AARS1: variants seen among roughly 807,000 people sequenced by gnomAD.
AARS1 encodes the protein alanine--tRNA ligase, cytoplasmic.
A neutral mutation model predicts 108.9 loss-of-function variants in AARS1; 72 were observed. The observed-to-expected ratio is 0.66, with a 90% CI of 0.55 to 0.80. The LOEUF (loss-of-function observed/expected upper bound fraction) is 0.80. Among genes scored for constraint, AARS1 ranks in the 30% least tolerant of loss-of-function variants. AARS1 has a pLI of 0.00. For synonymous variants in AARS1, 489 were observed against 465.7 expected, an observed-to-expected ratio of 1.05 and a Z score of -0.64; for missense variants, 1,193 against 1,233.2, an observed-to-expected ratio of 0.97 and a Z score of 0.49.
chr16:70,256,302 T>G (rs1959989427), intron 15 of AARS1, among the ~76,000 whole-genome samples: 1 of 151,736 alleles, frequency 6.6e-6, no homozygotes, highest in African/African-American at 2.4e-5. Context: ...GATAGTATAG[T>G]TTTTTTTGTT....
Position 70,258,229 on chromosome 16 carries a change from A to C in AARS1, c.1993-12T>G. On this transcript the variant is annotated splice_polypyrimidine_tract_variant and intron_variant, in intron 14 of 20. Coordinates refer to ENST00000261772, the MANE Select transcript of AARS1 (RefSeq NM_001605.3). The stretch of plus-strand genomic sequence containing the variant: ...TGGGTATAGACGGCCTGCCAGACCA[A>C]GAAGACAGAAAAGAGCTGGAAGAGA... 1.3e-6 allele frequency: 2 copies of C among 1,578,048 alleles called. No individual in the cohort carries two copies. Among genetic ancestry groups the C allele is most frequent in the Non-Finnish European group, 1.7e-6 (2 of 1,161,024 alleles).
At chr16:70,274,920 A>G (rs1381145719) in intron 4 of AARS1, among the ~76,000 whole-genome samples, 1 of 151,422 alleles carries the variant, frequency 6.6e-6, no homozygotes, top group African/African-American at 2.4e-5. Context: ...TGTAACTTTT[A>G]AAACTATATA....
rs746349849 is a variant in AARS1, at chr16:70,255,821, C to G, written c.2193G>C (p.Ser731=). Residue 731 remains serine, a synonymous_variant, in exon 16 of 21, where the codon TCG becomes TCC. Transcript: ENST00000261772. ...EFCGGTHLRN[S]SHAGAFVIVT... ...CGATCACAAAAGCTCCTGCATGACTCGAGTTCCGCAGGTGCCTGAATGGCA... is the reference window on the plus strand; with the variant it reads ...CGATCACAAAAGCTCCTGCATGACTGGAGTTCCGCAGGTGCCTGAATGGCA... 6 of 1,613,720 alleles carry G rather than the reference C, an allele frequency of 3.7e-6. No individual in the cohort carries two copies. Among genetic ancestry groups the G allele is most frequent in the Non-Finnish European group, 5.1e-6 (6 of 1,179,904 alleles).
intron 17 of AARS1, chr16:70,254,279 A>C: frequency 1.6e-6 from 1 of 613,306 alleles, no homozygotes; most frequent in Non-Finnish European, 2.9e-6. Context: ...GGCTGGGAAC[A>C]GCCTGTGATA....
intron 2 of AARS1, among the ~76,000 whole-genome samples, chr16:70,279,671 A>C (rs866265552): frequency 0.048 from 1,792 of 36,962 alleles, 23 homozygotes; most frequent in African/African-American, 0.14. Context: ...AAAAAAAAAC[A>C]AAAAAAAAAA....
At chr16:70,289,205 T>G (rs1960963437) in intron 1 of AARS1, among the ~76,000 whole-genome samples, 1 of 151,964 alleles carries the variant, frequency 6.6e-6, no homozygotes, top group Non-Finnish European at 1.5e-5. Context: ...CGTGAGGTAT[T>G]GGTGCTCAGC....
intron 4 of AARS1, among the ~76,000 whole-genome samples, chr16:70,275,351 C>T (rs929850739): frequency 1.3e-5 from 2 of 152,108 alleles, no homozygotes; most frequent in African/African-American, 4.8e-5. Context: ...CGTGGTGACT[C>T]ATGCCTGTAA....
chr16:70,256,930 C>T (rs554029501), intron 15 of AARS1, among the ~76,000 whole-genome samples: 45 of 151,172 alleles, frequency 3.0e-4, no homozygotes, highest in Admixed American at 5.9e-4. Flanking sequence ...GCCTGACCAA[C>T]GTGGAGAAAC....
rs773920370 is a variant in AARS1 at position 70,269,780 on chromosome 16, G to C, written c.817-17C>G. The stretch of plus-strand genomic sequence containing the variant: ...ACCTGTGCCCTATAGATAAGAATCA[G>C]GAGGCAGCCCTTTAGGAAGCAGACT... On this transcript the variant is annotated splice_polypyrimidine_tract_variant and intron_variant, in intron 6 of 20. Coordinates refer to ENST00000261772, the MANE Select transcript of AARS1 (RefSeq NM_001605.3). The C allele has an allele frequency of 1.2e-6, 2 of 1,613,996 alleles. No individual in the cohort carries two copies. The highest frequency in any genetic ancestry group is 4.5e-5 in the East Asian group (2 of 44,890).
At chr16:70,253,614 G>C in intron 19 of AARS1, 100 bp downstream of exon 19, 1 of 1,366,204 alleles carries the variant, frequency 7.3e-7, no homozygotes, top group Non-Finnish European at 1.0e-6. Context: ...CCAGACCGTG[G>C]GCCCTTAGGC....
intron 4 of AARS1, among the ~76,000 whole-genome samples, chr16:70,273,881 A>AAC (rs1960472277): frequency 6.7e-6 from 1 of 150,300 alleles, no homozygotes; most frequent in Non-Finnish European, 1.5e-5. Flanking sequence ...AAAAAAAAAA[A>AAC]AAAAAAATTA....
rs758372672 is a variant in AARS1 at position 70,265,590 on chromosome 16, T to C, written c.1295A>G (p.Lys432Arg). ...VDLTGLIAEE[K>R]GLVVDMDGFE... The stretch of plus-strand genomic sequence containing the variant: ...GCCATCCATGTCTACCACCAGGCCC[T>C]TCTCTTCAGCAATCAGTCCAGTCAG... The change falls in exon 10 of 21, where the codon AAG (lysine) becomes AGG (arginine). Residue 432 changes from lysine to arginine, a missense_variant. Physicochemically the swap from Lys to Arg is conservative, Grantham distance 26. Transcript: ENST00000261772. 20 of 1,614,042 alleles carry C rather than the reference T, an allele frequency of 1.2e-5. No individual in the cohort carries two copies. The South Asian group carries it at 1.5e-4, about 12-fold the overall frequency.
intron 4 of AARS1, among the ~76,000 whole-genome samples, chr16:70,275,457 A>G (rs1294638870): frequency 6.6e-6 from 1 of 150,694 alleles, no homozygotes; most frequent in African/African-American, 2.4e-5. Context: ...CTACTAAAAA[A>G]TATATATATA....
At position 70,258,016 on chromosome 16, in the gene AARS1, C is replaced by A. The variant is rs932772553; in HGVS notation, c.2177+17G>T. On this transcript the variant is annotated intron_variant, in intron 15 of 20. Transcript: ENST00000261772. ...AAGGTAGATGACCTGTCTACTCTGCCCCTCTGCAGTACTCACGTTCCCCCA... is the reference window on the plus strand; with the variant it reads ...AAGGTAGATGACCTGTCTACTCTGCACCTCTGCAGTACTCACGTTCCCCCA... The A allele has an allele frequency of 6.2e-7, 1 of 1,613,830 alleles. No homozygotes were observed. The highest frequency in any genetic ancestry group is 8.5e-7 in the Non-Finnish European group (1 of 1,179,890).
intron 13 of AARS1, among the ~76,000 whole-genome samples, chr16:70,259,802 C>T (rs150170836): frequency 1.3e-5 from 2 of 150,802 alleles, no homozygotes; most frequent in African/African-American, 2.4e-5. Flanking sequence ...TAAGGAGTTT[C>T]GCTCTTGTTG....
At chr16:70,267,908 C>T in intron 8 of AARS1, 99 bp from the exon 9 acceptor site, 1 of 1,540,368 alleles carries the variant, frequency 6.5e-7, no homozygotes, top group South Asian at 1.1e-5. Flanking sequence ...TGGCTCACGC[C>T]TGTAATCCTA....
chr16:70,282,323 C>T (rs1194457098), intron 2 of AARS1, among the ~76,000 whole-genome samples: 32 of 97,860 alleles, frequency 3.3e-4, no homozygotes, highest in African/African-American at 1.3e-3. Context: ...AGCGAGACTC[C>T]GTCTCAGGAA....
chr16:70,282,378 T>G (rs563527112), intron 2 of AARS1, among the ~76,000 whole-genome samples: 1 of 150,262 alleles, frequency 6.7e-6, no homozygotes, highest in Non-Finnish European at 1.5e-5. Flanking sequence ...CTACGTACTA[T>G]GTGCGAAATA....
chr16:70,265,480 C>A, intron 10 of AARS1, 58 bp downstream of exon 10: 1 of 1,611,688 alleles, frequency 6.2e-7, no homozygotes, highest in African/African-American at 1.3e-5. Flanking sequence ...CAGTCTGCAG[C>A]CAAGTGGTGC....
Sources: allele counts gnomAD v4.1 joint callset (sites outside exome capture counted in the v4.1 genomes callset), GRCh38; gene constraint gnomAD v4.1.1; transcripts MANE v1.5; gene names NCBI Gene and HGNC (gene_info 2026-07-23, HGNC 2026-07-21).